ITGB3: variants seen among roughly 807,000 people sequenced by gnomAD.
ITGB3 encodes the protein integrin beta-3.
Under a neutral mutation model 85.8 loss-of-function variants are expected in ITGB3, and 48 were observed. The ratio of observed to expected loss-of-function variants is 0.56; its 90% CI spans 0.44 to 0.71. ITGB3 has a LOEUF of 0.71. Ranked by LOEUF, ITGB3 falls within the 30% of genes least tolerant of loss-of-function variation. The pLI is 0.00. For missense variants in ITGB3, 861 were observed against 1,019.1 expected, an observed-to-expected ratio of 0.84 and a Z score of 2.11; for synonymous variants, 363 against 395.6, an observed-to-expected ratio of 0.92 and a Z score of 0.98.
At chr17:47,256,952 G>T (rs2064992641) in intron 1 of ITGB3, among the ~76,000 whole-genome samples, 1 of 152,222 alleles carries the variant, frequency 6.6e-6, no homozygotes, top group Non-Finnish European at 1.5e-5. Context: ...ATGGTTTAAA[G>T]CCAGTAAGAT....
chr17:47,266,040 G>T (rs2065024004), intron 1 of ITGB3, among the ~76,000 whole-genome samples: 1 of 152,112 alleles, frequency 6.6e-6, no homozygotes, highest in Non-Finnish European at 1.5e-5. Flanking sequence ...TTAGCAACTT[G>T]CTCTAGATAA....
intron 1 of ITGB3, among the ~76,000 whole-genome samples, chr17:47,255,236 C>T (rs963084383): frequency 1.3e-5 from 2 of 152,138 alleles, no homozygotes; most frequent in African/African-American, 4.8e-5. Flanking sequence ...ACCTCAGCCT[C>T]CCAAAGTGCT....
At chr17:47,301,409 G>C (rs2065166927) in intron 12 of ITGB3, among the ~76,000 whole-genome samples, 1 of 152,210 alleles carries the variant, frequency 6.6e-6, no homozygotes, top group Non-Finnish European at 1.5e-5. Context: ...ATAGAAAAGA[G>C]TCAGCTCTCT....
In ITGB3 at chr17:47,289,697, G is replaced by C; in HGVS notation, c.956G>C (p.Gly319Ala). Residue 319 changes from glycine to alanine, a missense_variant, in exon 7 of 15, where the codon GGG becomes GCG. Coordinates refer to ENST00000559488, the MANE Select transcript of ITGB3 (RefSeq NM_000212.3). ...ASTTMDYPSL[G>A]LMTEKLSQKN... ...TTTTCCTAGGATTATCCCTCTTTGG[G>C]GCTGATGACTGAGAAGCTATCCCAG... is the stretch of plus-strand genomic sequence containing the variant. The C allele has an allele frequency of 6.2e-7, 1 of 1,613,080 alleles. No homozygotes were observed. Among genetic ancestry groups the C allele is most frequent in the South Asian group, 1.1e-5 (1 of 91,050 alleles).
At position 47,290,221 on chromosome 17, in the gene ITGB3, G is replaced by A; in HGVS notation, c.1072G>A (p.Val358Ile). Residue 358 changes from valine to isoleucine, a missense_variant, in exon 8 of 15, where the codon GTT becomes ATT. Coordinates refer to ENST00000559488, the MANE Select transcript of ITGB3 (RefSeq NM_000212.3). ...SELIPGTTVG[V>I]LSMDSSNVLQ... is the part of the protein sequence containing the mutation. ...GCTCATCCCAGGGACCACAGTTGGG[G>A]TTCTGTCCATGGATTCCAGCAATGT... 1 of 1,614,058 alleles carries A rather than the reference G, an allele frequency of 6.2e-7. No individual in the cohort carries two copies. The highest frequency in any genetic ancestry group is 2.2e-5 in the East Asian group (1 of 44,874).
intron 1 of ITGB3, among the ~76,000 whole-genome samples, chr17:47,254,491 T>C (rs1038629540): frequency 1.3e-5 from 2 of 152,196 alleles, no homozygotes; most frequent in Non-Finnish European, 1.5e-5. Flanking sequence ...TTCTTTCTTT[T>C]TTTTACCTTC....
intron 2 of ITGB3, among the ~76,000 whole-genome samples, chr17:47,281,216 G>T (rs1317714584): frequency 1.3e-5 from 2 of 152,164 alleles, no homozygotes; most frequent in Non-Finnish European, 2.9e-5. Context: ...ATTGGTGTGG[G>T]TTATCCAGCA....
chr17:47,312,695 A>G lies in ITGB3; in HGVS notation c.*2491A>G, dbSNP rs1460054572. On this transcript the variant is annotated 3_prime_UTR_variant, in exon 15 of 15. Transcript: ENST00000559488. The stretch of plus-strand genomic sequence containing the variant: ...TGTCTGAGCTACTGGAATGAAGTTC[A>G]CAGGTCTTGAAGACCAATATTATTT... Among the ~76,000 whole-genome samples, 1 of 152,248 alleles carries G rather than the reference A, an allele frequency of 6.6e-6. No homozygotes were observed. The highest frequency in any genetic ancestry group is 1.5e-5 in the Non-Finnish European group (1 of 68,048).
At chr17:47,304,990 G>A (rs904946621) in intron 13 of ITGB3, among the ~76,000 whole-genome samples, 1 of 152,092 alleles carries the variant, frequency 6.6e-6, no homozygotes, top group African/African-American at 2.4e-5. Context: ...TTGGTCCACC[G>A]CTGTGGCTGG....
chr17:47,268,617 G>A (rs1165788625), intron 1 of ITGB3, among the ~76,000 whole-genome samples: 1 of 152,222 alleles, frequency 6.6e-6, no homozygotes, highest in Admixed American at 6.5e-5. Context: ...ATTGATGCAA[G>A]AGGTGGTCTC....
intron 5 of ITGB3, 96 bp downstream of exon 5, chr17:47,286,518 G>A: frequency 6.8e-7 from 1 of 1,468,092 alleles, no homozygotes; most frequent in Non-Finnish European, 9.5e-7. Context: ...TGTAAAATGA[G>A]ATGAGAACTA....
rs1044904685 is a variant in ITGB3 at position 47,311,372 on chromosome 17, T to C, written c.*1168T>C. On this transcript the variant is annotated 3_prime_UTR_variant, in exon 15 of 15. Transcript: ENST00000559488. ...TGTATCAGCACGTGTGGCCTGTTCT[T>C]CTATGGGTTGGACAACCTCATTTTA... The C allele has an allele frequency of 6.5e-6, 1 of 152,728 alleles. No individual in the cohort carries two copies. Among genetic ancestry groups the C allele is most frequent in the Admixed American group, 6.5e-5 (1 of 15,294 alleles). The allele number at this position is 152,728 out of a possible 1,614,324, so 9.5% of individuals were successfully genotyped here.
intron 3 of ITGB3, 151 bp downstream of exon 3, chr17:47,283,700 G>C: frequency 1.3e-6 from 1 of 758,084 alleles, no homozygotes; most frequent in Admixed American, 2.0e-5. Context: ...GCAAGAGAAT[G>C]GAAGAAAATA....
chr17:47,274,815 T>G (rs1330806675), intron 2 of ITGB3, among the ~76,000 whole-genome samples: 5 of 152,168 alleles, frequency 3.3e-5, no homozygotes, highest in Non-Finnish European at 5.9e-5. Flanking sequence ...AACAGTTTAT[T>G]TTAAATTTTT....
Position 47,287,155 on chromosome 17 carries a change from T to C in ITGB3, c.863T>C (p.Leu288Pro). Reference sequence around the variant, plus strand: ...ACTCATATAGCATTGGACGGAAGGCTGGCAGGCATTGTCCAGCCTAATGAC... The same window carrying C: ...ACTCATATAGCATTGGACGGAAGGCCGGCAGGCATTGTCCAGCCTAATGAC... ...AKTHIALDGRLAGIVQPNDGQ... is the reference protein window; with the variant it reads ...AKTHIALDGRPAGIVQPNDGQ... Residue 288 changes from leucine (L) to proline (P), a missense_variant, in exon 6 of 15, where the codon CTG (leucine) becomes CCG (proline). Physicochemically the swap from Leu to Pro is moderately conservative, Grantham distance 98. Transcript: ENST00000559488. The C allele has an allele frequency of 6.2e-7, 1 of 1,614,072 alleles. No individual in the cohort carries two copies. Among genetic ancestry groups the C allele is most frequent in the Non-Finnish European group, 8.5e-7 (1 of 1,179,918 alleles).
Position 47,313,105 on chromosome 17 carries a change from C to T in ITGB3, c.*2901C>T, listed in dbSNP as rs916047743. On this transcript the variant is annotated 3_prime_UTR_variant, in exon 15 of 15. Coordinates refer to ENST00000559488, the MANE Select transcript of ITGB3 (RefSeq NM_000212.3). ...TCTCCTGCCTCAGCCTCCCCAGTAG[C>T]CGGGATTACAGGCACCCGCCACCAC... Among the ~76,000 whole-genome samples the T allele has an allele frequency of 1.8e-4, 28 of 152,054 alleles. No homozygotes were observed. The highest frequency in any genetic ancestry group is 3.8e-4 in the Non-Finnish European group (26 of 68,014).
In ITGB3 at chr17:47,301,605, A is replaced by C. The variant is rs559971674; in HGVS notation, c.2014+1027A>C. 7.1e-4 allele frequency among the ~76,000 whole-genome samples: 108 copies of C among 152,308 alleles called. 1 individual carries two copies. Among genetic ancestry groups the C allele is most frequent in the African/African-American group, 2.6e-3 (108 of 41,552 alleles). On this transcript the variant is annotated intron_variant, in intron 12 of 14. Coordinates refer to ENST00000559488, the MANE Select transcript of ITGB3 (RefSeq NM_000212.3). ...GGGTATTACAGGCTAATTGATAAGC[A>C]GTTCTGTACCTCCACCTCCCCTCTA... is the stretch of plus-strand genomic sequence containing the variant.
At chr17:47,306,377 C>T (rs916173804) in intron 13 of ITGB3, among the ~76,000 whole-genome samples, 3 of 152,160 alleles carry the variant, frequency 2.0e-5, no homozygotes, top group African/African-American at 4.8e-5. Flanking sequence ...CAGGCTCAAA[C>T]GATCCTCCCA....
intron 2 of ITGB3, among the ~76,000 whole-genome samples, chr17:47,275,672 T>G (rs2065061113): frequency 6.6e-6 from 1 of 152,140 alleles, no homozygotes; most frequent in South Asian, 2.1e-4. Context: ...GGGCGGGAGC[T>G]GGGAGGCTGT....
Sources: gnomAD v4.1 joint callset for allele counts (sites outside exome capture counted in the v4.1 genomes callset) on GRCh38, gnomAD v4.1.1 for gene constraint, MANE v1.5 for transcripts, NCBI Gene and HGNC (gene_info 2026-07-23, HGNC 2026-07-21) for gene names.